Variants in DLG2 observed in about 807,000 individuals in gnomAD.
DLG2 encodes discs large MAGUK scaffold protein 2.
A neutral mutation model predicts 132.5 loss-of-function variants in DLG2; 45 were observed. That is an observed-to-expected ratio of 0.34 (90% CI 0.27 to 0.44). The LOEUF (loss-of-function observed/expected upper bound fraction) is 0.44, where lower values mean the gene tolerates loss of function less well. Among genes scored for constraint, DLG2 ranks in the 20% least tolerant of loss-of-function variants. DLG2 has a pLI of 1.00. For synonymous variants in DLG2, 424 were observed against 419.6 expected (o/e 1.01, Z -0.13); for missense variants, 1,045 against 1,196.9 (o/e 0.87, Z 1.87).
intron 18 of DLG2, among the ~76,000 whole-genome samples, chr11:83,647,299 T>A (rs2068520248): frequency 6.6e-6 from 1 of 152,022 alleles, no homozygotes; most frequent in Non-Finnish European, 1.5e-5. Context: ...GTCTCACAAT[T>A]CACTAAATAC....
At chr11:84,081,586 T>C (rs1304256680) in intron 10 of DLG2, among the ~76,000 whole-genome samples, 1 of 152,214 alleles carries the variant, frequency 6.6e-6, no homozygotes, top group Non-Finnish European at 1.5e-5. Context: ...TTTGGTTTTG[T>C]GTCCTTGTGA....
chr11:83,476,910 A>C (rs2092666072), intron 22 of DLG2, among the ~76,000 whole-genome samples: 1 of 152,100 alleles, frequency 6.6e-6, no homozygotes, highest in African/African-American at 2.4e-5. Context: ...ATAAAGACTA[A>C]AGGAGTAAAG....
chr11:84,889,578 T>C (rs2088964223), intron 6 of DLG2, among the ~76,000 whole-genome samples: 1 of 152,146 alleles, frequency 6.6e-6, no homozygotes, highest in Admixed American at 6.6e-5. Flanking sequence ...AAATAGGGGA[T>C]GGTGTGATAA....
At chr11:84,159,894 A>G (rs1240358630) in intron 9 of DLG2, among the ~76,000 whole-genome samples, 1 of 152,196 alleles carries the variant, frequency 6.6e-6, no homozygotes, top group East Asian at 1.9e-4. Flanking sequence ...CTGAGGATAA[A>G]GAATAATTGA....
intron 3 of DLG2, among the ~76,000 whole-genome samples, chr11:85,425,073 C>T (rs973423878): frequency 6.6e-6 from 1 of 151,910 alleles, no homozygotes; most frequent in Non-Finnish European, 1.5e-5. Flanking sequence ...TCATGCCTTA[C>T]CCCATAAACC....
chr11:83,855,217 G>A (rs895489547), intron 16 of DLG2, among the ~76,000 whole-genome samples: 2 of 152,186 alleles, frequency 1.3e-5, no homozygotes, highest in African/African-American at 4.8e-5. Context: ...CATTGCTGGT[G>A]GGAATGCAAA....
intron 6 of DLG2, among the ~76,000 whole-genome samples, chr11:84,724,444 C>G (rs1038798222): frequency 6.6e-6 from 1 of 152,172 alleles, no homozygotes; most frequent in Non-Finnish European, 1.5e-5. Flanking sequence ...CTACTCATGA[C>G]AGCTGGTTGT....
chr11:85,129,682 T>C (rs926181956), intron 5 of DLG2, among the ~76,000 whole-genome samples: 12 of 152,130 alleles, frequency 7.9e-5, no homozygotes, highest in African/African-American at 1.7e-4. Flanking sequence ...GAAATACCAT[T>C]TGACCCAGCA....
chr11:84,502,225 T>TCCTTCCTTCCTTCCTTCCTTTC (rs2099212998), intron 7 of DLG2, among the ~76,000 whole-genome samples: 1 of 15,618 alleles, frequency 6.4e-5, no homozygotes, highest in African/African-American at 9.9e-4. Flanking sequence ...CTTCCTTCCT[T>TCCTTCCTTCCTTCCTTCCTTTC]CCTTCCTTCC....
In DLG2 at chr11:84,872,967, C is replaced by G. The variant is rs143035390; in HGVS notation, c.357+238694G>C. On this transcript the variant is annotated intron_variant, in intron 6 of 27. Coordinates refer to ENST00000376104, the MANE Select transcript of DLG2 (RefSeq NM_001142699.3). The stretch of plus-strand genomic sequence containing the variant: ...TTTTGTTTCTGGACTCAAATCCTAC[C>G]TGATTAGCATTTTTAGAAATATGGA... 1.2e-4 allele frequency among the ~76,000 whole-genome samples: 19 copies of G among 152,250 alleles called. No individual in the cohort carries two copies. In the East Asian group the frequency reaches 3.5e-3, roughly 28 times the overall value.
At chr11:84,263,532 C>G (rs1043441633) in intron 7 of DLG2, among the ~76,000 whole-genome samples, 1 of 152,062 alleles carries the variant, frequency 6.6e-6, no homozygotes, top group Non-Finnish European at 1.5e-5. Context: ...ACTATGTAAT[C>G]AGCAGCAAGG....
chr11:84,053,818 C>G (rs1313710582), intron 11 of DLG2, among the ~76,000 whole-genome samples: 1 of 151,944 alleles, frequency 6.6e-6, no homozygotes, highest in Non-Finnish European at 1.5e-5. Flanking sequence ...GTAACTTCTA[C>G]AGTTTGTGCA....
At chr11:85,173,679 G>A (rs2079028947) in intron 4 of DLG2, among the ~76,000 whole-genome samples, 1 of 152,010 alleles carries the variant, frequency 6.6e-6, no homozygotes, top group Admixed American at 6.6e-5. Flanking sequence ...AGACAGAATG[G>A]CAAGCTGGAT....
intron 6 of DLG2, among the ~76,000 whole-genome samples, chr11:84,708,208 C>T (rs963865317): frequency 5.9e-5 from 9 of 151,764 alleles, no homozygotes; most frequent in African/African-American, 1.7e-4. Context: ...TTAGTGTTCT[C>T]GTCTATAAAA....
chr11:83,683,883 G>A (rs1592381892), intron 18 of DLG2, among the ~76,000 whole-genome samples: 1 of 152,098 alleles, frequency 6.6e-6, no homozygotes, highest in South Asian at 2.1e-4. Context: ...TTCTATAAGA[G>A]AATGAAGGGC....
At chr11:85,354,080 A>T (rs987334042) in intron 3 of DLG2, among the ~76,000 whole-genome samples, 1 of 151,760 alleles carries the variant, frequency 6.6e-6, no homozygotes, top group Non-Finnish European at 1.5e-5. Context: ...ATGTATGCCT[A>T]GGTCCTCTCG....
chr11:84,953,224 T>C (rs995954902), intron 6 of DLG2, among the ~76,000 whole-genome samples: 1 of 152,228 alleles, frequency 6.6e-6, no homozygotes. Context: ...TGGTCATCTG[T>C]TGGATAATAT....
intron 16 of DLG2, among the ~76,000 whole-genome samples, chr11:83,848,048 G>A (rs2058968199): frequency 1.3e-5 from 2 of 151,354 alleles, no homozygotes; most frequent in African/African-American, 2.4e-5. Flanking sequence ...CTCTTTCTTG[G>A]AGGGGTCCTT....
intron 7 of DLG2, among the ~76,000 whole-genome samples, chr11:84,379,620 T>C (rs1349473232): frequency 6.6e-6 from 1 of 152,076 alleles, no homozygotes; most frequent in Non-Finnish European, 1.5e-5. Flanking sequence ...AGAAATGGTA[T>C]TATTAAACAA....
Sources: gnomAD v4.1 joint callset for allele counts (sites outside exome capture counted in the v4.1 genomes callset) on GRCh38, gnomAD v4.1.1 for gene constraint, MANE v1.5 for transcripts, NCBI Gene and HGNC (gene_info 2026-07-23, HGNC 2026-07-21) for gene names.